RSF1: variants seen among roughly 807,000 people sequenced by gnomAD.
The protein encoded by RSF1 is HBV pX-associated protein 8.
A neutral mutation model predicts 145.2 loss-of-function variants in RSF1; 13 were observed. That is an observed-to-expected ratio of 0.09 (90% CI 0.06 to 0.14). The LOEUF (loss-of-function observed/expected upper bound fraction) is 0.14, where lower values mean the gene tolerates loss of function less well. RSF1 is among the 10% of genes least tolerant of loss of function. The pLI is 1.00. For synonymous variants in RSF1, 577 were observed against 592.6 expected (o/e 0.97, Z 0.38); for missense variants, 1,517 against 1,718.2 (o/e 0.88, Z 2.07).
intron 1 of RSF1, among the ~76,000 whole-genome samples, chr11:77,813,924 G>A (rs1373536565): frequency 6.6e-6 from 1 of 151,868 alleles, no homozygotes; most frequent in Non-Finnish European, 1.5e-5. Flanking sequence ...GAAGTGGCTG[G>A]GCACAGTGGC....
the RSF1 span, among the ~76,000 whole-genome samples, chr11:77,838,501 A>G: frequency 6.6e-6 from 1 of 151,984 alleles, no homozygotes; most frequent in Admixed American, 6.6e-5. Context: ...TTATCTATAC[A>G]TTTTGGACTT....
chr11:77,809,769 T>C (rs1333487004), intron 1 of RSF1, among the ~76,000 whole-genome samples: 1 of 152,222 alleles, frequency 6.6e-6, no homozygotes, highest in East Asian at 1.9e-4. Flanking sequence ...TTTCCAATAT[T>C]ACCATATTGC....
intron 1 of RSF1, among the ~76,000 whole-genome samples, chr11:77,768,767 G>A (rs908780521): frequency 2.6e-5 from 4 of 152,112 alleles, no homozygotes; most frequent in Non-Finnish European, 5.9e-5. Context: ...TAAGAAACAG[G>A]CTACAGGAAA....
At chr11:77,856,140 C>T in the RSF1 span, among the ~76,000 whole-genome samples, 2 of 152,120 alleles carry the variant, frequency 1.3e-5, no homozygotes, top group Non-Finnish European at 2.9e-5. Context: ...AAAGGTCTTC[C>T]ACCAGATACC....
chr11:77,872,044 T>TG, the RSF1 span: 1 of 1,042,812 alleles, frequency 9.6e-7, no homozygotes, highest in Non-Finnish European at 1.3e-6. Context: ...TTTGGACTGG[T>TG]GATACACTGA....
intron 1 of RSF1, among the ~76,000 whole-genome samples, chr11:77,785,599 A>C (rs1000712089): frequency 6.6e-5 from 10 of 151,816 alleles, no homozygotes; most frequent in African/African-American, 2.4e-4. Flanking sequence ...TCAAAAAAAA[A>C]AGAAAAGCAA....
the RSF1 span, among the ~76,000 whole-genome samples, chr11:77,853,710 GTGGA>G: frequency 6.6e-6 from 1 of 152,166 alleles, no homozygotes; most frequent in Non-Finnish European, 1.5e-5. Context: ...GGAGGCCAAA[GTGGA>G]TGGATTGCTT....
At position 77,686,408 on chromosome 11, in the gene RSF1, CA is replaced by C. The variant is rs564410248; in HGVS notation, c.2901-1250del. Among the ~76,000 whole-genome samples, 78 of 37,116 alleles carry C rather than the reference CA, an allele frequency of 2.1e-3. 2 individuals carry two copies. The South Asian group carries it at 0.032, about 15-fold the overall frequency. 24.3% of individuals were successfully genotyped at this position (37,116 alleles called of 152,430 possible). ...GGGCATCAAGAGTGAGACCCTGTCT[CA>C]AAAAAAAAAAAAAAAAAAAGCAGGT... On this transcript the variant is annotated intron_variant, in intron 9 of 15. Transcript: ENST00000308488.
In RSF1 at chr11:77,702,253, C is replaced by T; in HGVS notation, c.976G>A (p.Val326Met). ...KENVKPIKVE[V>M]KECRADPKDT... is the part of the protein sequence containing the mutation. The stretch of plus-strand genomic sequence containing the variant: ...TTAGGATCTGCTCTACATTCCTTCA[C>T]CTCAACTTTAATGGGTTTGACATTT... The change falls in exon 6 of 16, where the codon GTG becomes ATG. Residue 326 changes from valine (V) to methionine (M), a missense_variant. By Grantham distance (21) the Val-to-Met change is conservative. Transcript: ENST00000308488. 2 of 1,611,608 alleles carry T rather than the reference C, an allele frequency of 1.2e-6. No homozygotes were observed. The highest frequency in any genetic ancestry group is 1.7e-6 in the Non-Finnish European group (2 of 1,179,446).
chr11:77,819,915 G>A (rs548767127), intron 1 of RSF1, among the ~76,000 whole-genome samples: 95 of 152,134 alleles, frequency 6.2e-4, no homozygotes, highest in African/African-American at 2.1e-3. Context: ...CTTCAAGGAA[G>A]GAGTTTTAGG....
rs563855584 is a variant in RSF1 at position 77,809,086 on chromosome 11, A to G, written c.187+11442T>C. ...CAGACTTACCCAGTTTTAAATTCCC[A>G]CAGCATTACAAGTATCTTTTTATCA... On this transcript the variant is annotated intron_variant, in intron 1 of 15. Transcript: ENST00000308488. Among the ~76,000 whole-genome samples, 215 of 152,350 alleles carry G rather than the reference A, an allele frequency of 1.4e-3. 1 individual carries two copies. The highest frequency in any genetic ancestry group is 4.9e-3 in the African/African-American group (205 of 41,586).
chr11:77,793,531 G>GA (rs1418120033), intron 1 of RSF1, among the ~76,000 whole-genome samples: 4 of 152,022 alleles, frequency 2.6e-5, no homozygotes, highest in Admixed American at 6.6e-5. Context: ...ATGATGCCTA[G>GA]AAAAAACACT....
At chr11:77,667,681 C>A (rs998576569) in intron 15 of RSF1, among the ~76,000 whole-genome samples, 190 bp from the exon 16 acceptor site, 2 of 152,040 alleles carry the variant, frequency 1.3e-5, no homozygotes, top group African/African-American at 2.4e-5. Flanking sequence ...TCATGGTGTA[C>A]TTTATTTATG....
intron 4 of RSF1, among the ~76,000 whole-genome samples, chr11:77,737,928 G>A (rs1961405810): frequency 6.6e-6 from 1 of 152,174 alleles, no homozygotes; most frequent in Non-Finnish European, 1.5e-5. Flanking sequence ...AGGAGATCAA[G>A]ACCATCTTGG....
At chr11:77,829,346 T>G in the RSF1 span, among the ~76,000 whole-genome samples, 1 of 152,190 alleles carries the variant, frequency 6.6e-6, no homozygotes, top group Non-Finnish European at 1.5e-5. Flanking sequence ...GAAAAATAAA[T>G]TTTTGTTGTT....
the RSF1 span, chr11:77,842,614 G>A: frequency 1.2e-6 from 2 of 1,613,868 alleles, no homozygotes; most frequent in Non-Finnish European, 1.7e-6. Context: ...GGATTGGAGA[G>A]AAACAGGAAC....
intron 1 of RSF1, among the ~76,000 whole-genome samples, chr11:77,820,107 G>C (rs574556141): frequency 5.3e-5 from 8 of 152,202 alleles, no homozygotes; most frequent in African/African-American, 1.9e-4. Flanking sequence ...GGTGGGAGGA[G>C]GGGAGGGAGT....
At chr11:77,724,205 G>C (rs890136181) in intron 5 of RSF1, among the ~76,000 whole-genome samples, 9 of 152,164 alleles carry the variant, frequency 5.9e-5, no homozygotes, top group African/African-American at 1.9e-4. Flanking sequence ...ATGAGATGCT[G>C]TTATAAAAAA....
At chr11:77,855,119 G>T in the RSF1 span, among the ~76,000 whole-genome samples, 1 of 152,186 alleles carries the variant, frequency 6.6e-6, no homozygotes, top group African/African-American at 2.4e-5. Context: ...GCTGCACAGA[G>T]CAGTGAGGCC....
Sources: gnomAD v4.1 joint callset for allele counts (sites outside exome capture counted in the v4.1 genomes callset) on GRCh38, gnomAD v4.1.1 for gene constraint, MANE v1.5 for transcripts, NCBI Gene and HGNC (gene_info 2026-07-23, HGNC 2026-07-21) for gene names.